Variants in CSF1R observed in about 807,000 individuals in gnomAD.
CSF1R encodes the protein macrophage colony-stimulating factor 1 receptor.
Under a neutral mutation model 110.0 loss-of-function variants are expected in CSF1R, and 40 were observed. That is an observed-to-expected ratio of 0.36 (90% confidence interval 0.28 to 0.47). The LOEUF is 0.47. CSF1R is among the 20% of genes least tolerant of loss of function. CSF1R has a pLI of 0.99. For missense variants in CSF1R, 1,052 were observed against 1,253.0 expected, an observed-to-expected ratio of 0.84 and a Z score of 2.42; for synonymous variants, 523 against 503.4, an observed-to-expected ratio of 1.04 and a Z score of -0.52.
chr5:150,109,064 C>CCCCCCCCCCCCCCCCCCCCCCT (rs1554106359), intron 1 of CSF1R, among the ~76,000 whole-genome samples: 1 of 130,450 alleles, frequency 7.7e-6, no homozygotes, highest in Non-Finnish European at 1.7e-5. Flanking sequence ...GCCCGCCCCC[C>CCCCCCCCCCCCCCCCCCCCCCT]CCCCACCACC....
chr5:150,060,785 G>T, intron 13 of CSF1R, 77 bp downstream of exon 13: 1 of 893,170 alleles, frequency 1.1e-6, no homozygotes, highest in Non-Finnish European at 1.8e-6. Context: ...AGGAGAAGAC[G>T]GAACAAGGTA....
At chr5:150,061,388 C>T in intron 12 of CSF1R, 103 bp downstream of exon 12, 1 of 1,044,702 alleles carries the variant, frequency 9.6e-7, no homozygotes. Flanking sequence ...CCCCAGGCTT[C>T]AACAGGTTGA....
chr5:150,084,442 G>A (rs1160262667), intron 1 of CSF1R, among the ~76,000 whole-genome samples: 7 of 64,728 alleles, frequency 1.1e-4, no homozygotes, highest in Non-Finnish European at 1.2e-4. Context: ...AAGGAAGGAA[G>A]GAAGGAAGGA....
intron 5 of CSF1R, among the ~76,000 whole-genome samples, chr5:150,075,802 G>A (rs1281342220): frequency 6.6e-6 from 1 of 152,154 alleles, no homozygotes; most frequent in Admixed American, 6.5e-5. Flanking sequence ...AAGCAGACAG[G>A]ATTAGAAGCC....
At chr5:150,100,292 T>TTTTTTTG in intron 1 of CSF1R, among the ~76,000 whole-genome samples, 1 of 119,116 alleles carries the variant, frequency 8.4e-6, no homozygotes, top group Non-Finnish European at 1.7e-5. Context: ...TGGCTAACCT[T>TTTTTTTG]TTTTTTTTTT....
chr5:150,101,049 G>A (rs1759388328), intron 1 of CSF1R, among the ~76,000 whole-genome samples: 1 of 150,402 alleles, frequency 6.6e-6, no homozygotes, highest in Admixed American at 6.6e-5. Flanking sequence ...TCTTTGCCAT[G>A]TGACTTAGCA....
At chr5:150,055,183 T>G (rs1484574260) in intron 19 of CSF1R, 54 bp downstream of exon 19, 1 of 1,523,380 alleles carries the variant, frequency 6.6e-7, no homozygotes, top group Non-Finnish European at 9.1e-7. Flanking sequence ...CTTCCATCCC[T>G]TTCCAGCGAA....
At chr5:150,057,189 C>T (rs1349554060) in intron 16 of CSF1R, 98 bp downstream of exon 16, 1 of 1,029,998 alleles carries the variant, frequency 9.7e-7, no homozygotes, top group Non-Finnish European at 1.5e-6. Flanking sequence ...CCCCTACCCC[C>T]TCACAGGCTC....
chr5:150,066,678 C>T (rs980210329), intron 10 of CSF1R, among the ~76,000 whole-genome samples: 1 of 151,636 alleles, frequency 6.6e-6, no homozygotes, highest in African/African-American at 2.4e-5. Flanking sequence ...TGGGGCTCCC[C>T]CAACATCCTT....
chr5:150,062,596 CCTTCCTTTTTAAGGCTGAA>C (rs1757581688), intron 10 of CSF1R, among the ~76,000 whole-genome samples: 1 of 115,628 alleles, frequency 8.6e-6, no homozygotes, highest in Non-Finnish European at 1.9e-5. Flanking sequence ...GTCAGAATTC[CCTTCCTTTTTAAGGCTGAA>C]TAATAGTAGC....
chr5:150,054,299 A>C (rs1581276564), intron 20 of CSF1R, 23 bp downstream of exon 20: 1 of 1,613,706 alleles, frequency 6.2e-7, no homozygotes, highest in Non-Finnish European at 8.5e-7. Context: ...CCGGCCACCC[A>C]CCCCAAGCCT....
intron 11 of CSF1R, 43 bp from the exon 12 acceptor site, chr5:150,061,638 G>T: frequency 6.2e-7 from 1 of 1,613,990 alleles, no homozygotes; most frequent in South Asian, 1.1e-5. Flanking sequence ...GCACCAAAGG[G>T]CCTCTGTCCA....
chr5:150,080,051 C>A lies in CSF1R; in HGVS notation c.592+1G>T, dbSNP rs1475533809. ...GCTGCCGGTCCCCATGCCCCACGCA[C>A]CTTTCTGCACTTTCAGCCGGATGCT... is the stretch of plus-strand genomic sequence containing the variant. On this transcript the variant is annotated splice_donor_variant, in intron 3 of 20. Coordinates refer to ENST00000675795, the MANE Select transcript of CSF1R (RefSeq NM_001288705.3). LOFTEE classifies it high-confidence loss of function. 2 of 1,612,220 alleles carry A rather than the reference C, an allele frequency of 1.2e-6. No individual in the cohort carries two copies. The highest frequency in any genetic ancestry group is 1.3e-5 in the African/African-American group (1 of 74,924).
In CSF1R at chr5:150,101,254, C is replaced by T. The variant is rs567008787; in HGVS notation, c.-181+12007G>A. Among the ~76,000 whole-genome samples, 14 of 152,280 alleles carry T rather than the reference C, an allele frequency of 9.2e-5. No individual in the cohort carries two copies. The East Asian group carries it at 1.9e-3, about 21-fold the overall frequency. ...GCTGCTAACATCACTATGAGAAAGA[C>T]GCGCCTGAGCTGGCATGGCTAAGGT... On this transcript the variant is annotated intron_variant, in intron 1 of 21. Coordinates refer to the CSF1R transcript ENST00000286301.
rs1758851169 is a variant in CSF1R, at chr5:150,086,450, G to A, written c.-23C>T. On this transcript the variant is annotated 5_prime_UTR_variant, in exon 1 of 21. Coordinates refer to ENST00000675795, the MANE Select transcript of CSF1R (RefSeq NM_001288705.3). ...CATGGCCTCGGTGGGGAAGTGGCAG[G>A]CAGGTGCAGGGCTGCAAGGTGCCCA... 2.5e-6 allele frequency: 4 copies of A among 1,602,730 alleles called. No individual in the cohort carries two copies. Among genetic ancestry groups the A allele is most frequent in the Non-Finnish European group, 3.4e-6 (4 of 1,174,978 alleles).
chr5:150,061,973 A>G, intron 10 of CSF1R, 124 bp from the exon 11 acceptor site: 1 of 1,318,100 alleles, frequency 7.6e-7, no homozygotes, highest in South Asian at 1.3e-5. Flanking sequence ...AGGCAGGGCA[A>G]GGCCTGCTCT....
Position 150,068,215 on chromosome 5 carries a change from C to T in CSF1R, c.1626G>A (p.Gln542=). Residue 542 remains glutamine (Q), a splice_region_variant and synonymous_variant, in exon 10 of 21, where the codon CAG becomes CAA. Coordinates refer to ENST00000675795, the MANE Select transcript of CSF1R (RefSeq NM_001288705.3). ...LLLLLLYKYK[Q]KPKYQVRWKI... is the part of the protein sequence containing the mutation. Reference sequence around the variant, plus strand: ...GCAGCCCCACTCCGCTCCGGCTCACCTGCTTATACTTGTACAATAGCAGCA... The same window carrying T: ...GCAGCCCCACTCCGCTCCGGCTCACTTGCTTATACTTGTACAATAGCAGCA... The T allele has an allele frequency of 6.2e-7, 1 of 1,609,212 alleles. No individual in the cohort carries two copies. The highest frequency in any genetic ancestry group is 2.2e-5 in the East Asian group (1 of 44,786).
At chr5:150,057,701 G>A (rs764334454) in intron 14 of CSF1R, 109 bp from the exon 15 acceptor site, 1 of 747,530 alleles carries the variant, frequency 1.3e-6, no homozygotes, top group Non-Finnish European at 2.3e-6. Flanking sequence ...CTCCCTTTCT[G>A]ATAAGAAACC....
chr5:150,080,986 G>T lies in CSF1R; in HGVS notation c.88C>A (p.Leu30Met). ...IPVIEPSVPE[L>M]VVKPGATVTL... The stretch of plus-strand genomic sequence containing the variant: ...ACCGTTGCTCCTGGCTTCACGACCA[G>T]CTCAGGGACACTGGGCTCTATCACT... The change falls in exon 2 of 21, where the codon CTG becomes ATG. Residue 30 changes from leucine (L) to methionine (M), a missense_variant. Coordinates refer to ENST00000675795, the MANE Select transcript of CSF1R (RefSeq NM_001288705.3). The T allele has an allele frequency of 6.2e-7, 1 of 1,614,044 alleles. No homozygotes were observed. Among genetic ancestry groups the T allele is most frequent in the Non-Finnish European group, 8.5e-7 (1 of 1,179,934 alleles).
Sources: gnomAD v4.1 joint callset for allele counts (sites outside exome capture counted in the v4.1 genomes callset) on GRCh38, gnomAD v4.1.1 for gene constraint, MANE v1.5 for transcripts, NCBI Gene and HGNC (gene_info 2026-07-23, HGNC 2026-07-21) for gene names.